OTOL1: variants seen among roughly 807,000 people sequenced by gnomAD.
OTOL1 encodes otolin-1.
In OTOL1, 31 loss-of-function variants were observed where a neutral mutation model predicts 25.0. That is an observed-to-expected ratio of 1.24 (90% CI 0.93 to 1.67). The LOEUF is 1.67. Ranked by LOEUF, OTOL1 falls within the 40% of genes most tolerant of loss-of-function variation. The pLI is 0.00. For missense variants in OTOL1, 654 were observed against 587.7 expected, an observed-to-expected ratio of 1.11 and a Z score of -1.17; for synonymous variants, 225 against 210.3, an observed-to-expected ratio of 1.07 and a Z score of -0.61.
intron 2 of OTOL1, among the ~76,000 whole-genome samples, chr3:161,501,347 C>T (rs1463948): frequency 0.32 from 48,536 of 151,772 alleles, 7,942 homozygotes; most frequent in Middle Eastern, 0.35. Flanking sequence ...ATTATTAATA[C>T]CATTATTATT....
At chr3:161,501,946 A>C (rs1222710750) in intron 2 of OTOL1, among the ~76,000 whole-genome samples, 1 of 152,172 alleles carries the variant, frequency 6.6e-6, no homozygotes, top group Non-Finnish European at 1.5e-5. Context: ...AGCTTACTGC[A>C]ATCTCCACCT....
At position 161,496,999 on chromosome 3, in the gene OTOL1, A is replaced by G; in HGVS notation, c.192A>G (p.Glu64=). The G allele has an allele frequency of 6.2e-7, 1 of 1,613,672 alleles. No homozygotes were observed. The highest frequency in any genetic ancestry group is 8.5e-7 in the Non-Finnish European group (1 of 1,179,682). ...AAACCCTCTTCACAGAAATGGCTGA[A>G]ATGGCAGAACCAATTACCAAACCCT... ...EEETLFTEMA[E]MAEPITKPSA... Residue 64 remains glutamate (E), a synonymous_variant, in exon 1 of 4, where the codon GAA becomes GAG. Transcript: ENST00000327928.
chr3:161,501,544 AG>A (rs973069584), intron 2 of OTOL1, among the ~76,000 whole-genome samples: 54 of 133,696 alleles, frequency 4.0e-4, no homozygotes, highest in African/African-American at 1.5e-3. Context: ...TATAAAGAAC[AG>A]TTTTTTTTCC....
At chr3:161,497,775 C>A (rs1412684203) in intron 1 of OTOL1, among the ~76,000 whole-genome samples, 2 of 151,224 alleles carry the variant, frequency 1.3e-5, no homozygotes, top group Non-Finnish European at 2.9e-5. Flanking sequence ...CAATGATTTT[C>A]TCCATTGAAC....
At chr3:161,499,973 T>C (rs1022489656) in intron 2 of OTOL1, among the ~76,000 whole-genome samples, 3 of 152,186 alleles carry the variant, frequency 2.0e-5, no homozygotes, top group African/African-American at 7.2e-5. Context: ...AAAGAAGGCT[T>C]TCTGCCCCAG....
Position 161,499,122 on chromosome 3 carries a change from T to A in OTOL1, c.365-49T>A, listed in dbSNP as rs567863655. 2.8e-6 allele frequency: 4 copies of A among 1,444,104 alleles called. No individual in the cohort carries two copies. In the Admixed American group the frequency reaches 8.0e-5, roughly 29 times the overall value. The allele number at this position is 1,444,104 out of a possible 1,614,324, so 89.5% of individuals were successfully genotyped here. ...TTTTTTCTTTCCTGAACTAATGAAC[T>A]TTAAAAGAGAAATTTTATATTCTGA... On this transcript the variant is annotated intron_variant, in intron 1 of 3. Transcript: ENST00000327928.
At chr3:161,500,053 A>G (rs1718936311) in intron 2 of OTOL1, among the ~76,000 whole-genome samples, 1 of 152,162 alleles carries the variant, frequency 6.6e-6, no homozygotes, top group Admixed American at 6.6e-5. Context: ...ATATTTAGAA[A>G]TTCCTCAGTG....
At chr3:161,498,716 T>A (rs1718898564) in intron 1 of OTOL1, among the ~76,000 whole-genome samples, 1 of 152,194 alleles carries the variant, frequency 6.6e-6, no homozygotes, top group Non-Finnish European at 1.5e-5. Flanking sequence ...GCTGGAATGT[T>A]GATGGCTGCA....
Position 161,499,162 on chromosome 3 carries a change from C to T in OTOL1, c.365-9C>T. ...TTATATTCTGATGTATTTAAAATCC[C>T]ATTTCTAGGTCCTAAAGGAGAGGCT... On this transcript the variant is annotated splice_polypyrimidine_tract_variant and intron_variant, in intron 1 of 3. Transcript: ENST00000327928. 1 of 1,597,304 alleles carries T rather than the reference C, an allele frequency of 6.3e-7. No individual in the cohort carries two copies.
At position 161,503,888 on chromosome 3, in the gene OTOL1, C is replaced by T. The variant is rs750815368; in HGVS notation, c.1380C>T (p.Ser460=). Residue 460 remains serine (S), a synonymous_variant, in exon 4 of 4, where the codon AGC becomes AGT. Coordinates refer to ENST00000327928, the MANE Select transcript of OTOL1 (RefSeq NM_001080440.1). ...NGVYVSAEDD[S]IFTGFLLYPE... ...TGTATGTCAGTGCTGAGGATGACAG[C>T]ATTTTTACTGGGTTCCTTTTGTACC... is the stretch of plus-strand genomic sequence containing the variant. 5 of 1,613,564 alleles carry T rather than the reference C, an allele frequency of 3.1e-6. No homozygotes were observed. The highest frequency in any genetic ancestry group is 4.5e-5 in the East Asian group (2 of 44,870).
chr3:161,503,522 T>C lies in OTOL1; in HGVS notation c.1014T>C (p.Ala338=), dbSNP rs1560143820. 6.2e-7 allele frequency: 1 copy of C among 1,613,780 alleles called. No individual in the cohort carries two copies. The highest frequency in any genetic ancestry group is 1.3e-5 in the African/African-American group (1 of 75,000). The part of the protein sequence containing the change: ...RGFKGSKGEL[A]RVPRSAFSAG... ...TTAAAGGCTCCAAGGGTGAGTTGGC[T>C]AGAGTGCCCCGGTCGGCTTTCAGCG... Residue 338 remains alanine, a synonymous_variant, in exon 4 of 4, where the codon GCT becomes GCC. Coordinates refer to ENST00000327928, the MANE Select transcript of OTOL1 (RefSeq NM_001080440.1).
intron 2 of OTOL1, among the ~76,000 whole-genome samples, chr3:161,500,765 G>A (rs77561802): frequency 0.036 from 5,414 of 152,172 alleles, 336 homozygotes; most frequent in African/African-American, 0.12. Flanking sequence ...CTCAAAATGC[G>A]TCCAGTTATT....
rs1240505556 is a variant in OTOL1 at position 161,502,306 on chromosome 3, G to C, written c.455-1G>C. The C allele has an allele frequency of 6.2e-7, 1 of 1,612,268 alleles. No homozygotes were observed. Among genetic ancestry groups the C allele is most frequent in the South Asian group, 1.1e-5 (1 of 90,748 alleles). ...AAAAGTTAATCTTGGTATCATCTTA[G>C]GACTCAAAGGAGAACGTGGGGACCA... On this transcript the variant is annotated splice_acceptor_variant, in intron 2 of 3. Coordinates refer to ENST00000327928, the MANE Select transcript of OTOL1 (RefSeq NM_001080440.1). LOFTEE classifies it high-confidence loss of function.
At chr3:161,501,204 C>T (rs1718967190) in intron 2 of OTOL1, among the ~76,000 whole-genome samples, 1 of 152,010 alleles carries the variant, frequency 6.6e-6, no homozygotes, top group African/African-American at 2.4e-5. Context: ...GCTATATGAA[C>T]CTGTGTGCTA....
At chr3:161,497,644 T>C (rs1718869694) in intron 1 of OTOL1, among the ~76,000 whole-genome samples, 1 of 152,088 alleles carries the variant, frequency 6.6e-6, no homozygotes, top group African/African-American at 2.4e-5. Context: ...TGCTGACTGA[T>C]GGATTTTCTG....
At chr3:161,499,094 G>A (rs1435215777) in intron 1 of OTOL1, 77 bp from the exon 2 acceptor site, 1 of 1,140,968 alleles carries the variant, frequency 8.8e-7, no homozygotes, top group African/African-American at 1.6e-5. Context: ...GCAGTAAAAT[G>A]CTTTTTTTCT....
In OTOL1 at chr3:161,503,654, C is replaced by A. The variant is rs185995782; in HGVS notation, c.1146C>A (p.Cys382Ter). 1.2e-6 allele frequency: 2 copies of A among 1,613,808 alleles called. No individual in the cohort carries two copies. The highest frequency in any genetic ancestry group is 2.2e-5 in the East Asian group (1 of 44,840). The change falls in exon 4 of 4, where the codon TGC (cysteine) becomes TGA (stop). Residue 382 changes from cysteine to a stop codon, truncating the protein, a stop_gained. Coordinates refer to ENST00000327928, the MANE Select transcript of OTOL1 (RefSeq NM_001080440.1). LOFTEE classifies it high-confidence loss of function. ...NYSPVTGKFN[C>*]SIPGTYVFSY... is the part of the protein sequence containing the mutation. ...GTCCTGTCACTGGGAAGTTTAACTG[C>A]TCTATTCCTGGGACATATGTTTTTT... is the stretch of plus-strand genomic sequence containing the variant.
At position 161,499,725 on chromosome 3, in the gene OTOL1, TG is replaced by T. The variant is rs1202156444; in HGVS notation, c.454+467del. On this transcript the variant is annotated intron_variant, in intron 2 of 3. Transcript: ENST00000327928. ...GCTAAGAAGAATTTAATATATCCCT[TG>T]GCTCACTCTGAAATCAGAGGCAGTG... 4.6e-5 allele frequency among the ~76,000 whole-genome samples: 7 copies of T among 152,268 alleles called. No homozygotes were observed. The East Asian group carries it at 1.2e-3, about 25-fold the overall frequency.
chr3:161,502,204 T>C, intron 2 of OTOL1, 103 bp from the exon 3 acceptor site: 1 of 1,047,402 alleles, frequency 9.5e-7, no homozygotes, highest in Non-Finnish European at 1.4e-6. Context: ...TTTAGCCCAT[T>C]TTGGTTAAAG....
Sources: gnomAD v4.1 joint callset for allele counts (sites outside exome capture counted in the v4.1 genomes callset) on GRCh38, gnomAD v4.1.1 for gene constraint, MANE v1.5 for transcripts, NCBI Gene and HGNC (gene_info 2026-07-23, HGNC 2026-07-21) for gene names.